NUDT16L1: variants seen among roughly 807,000 people sequenced by gnomAD.
NUDT16L1 encodes the protein tudor-interacting repair regulator protein.
In NUDT16L1, 19 loss-of-function variants were observed where a neutral mutation model predicts 17.3. That is an observed-to-expected ratio of 1.10 (90% CI 0.77 to 1.61). The LOEUF is 1.61. Ranked by LOEUF, NUDT16L1 falls within the 40% of genes most tolerant of loss-of-function variation. NUDT16L1 has a pLI of 0.00. For missense variants in NUDT16L1, 341 were observed against 292.0 expected, an observed-to-expected ratio of 1.17 and a Z score of -1.22; for synonymous variants, 255 against 138.6, an observed-to-expected ratio of 1.84 and a Z score of -5.90.
exon 1 of NUDT16L1, chr16:4,693,719 G>C (rs371342385): frequency 6.6e-6 from 10 of 1,517,510 alleles, no homozygotes; most frequent in South Asian, 1.2e-5. Context: ...GACGGGGTCA[G>C]TGCCAAGATG....
At chr16:4,694,775 AGGAGGGGGCTGCACTGCTCCGAG>A in intron 2 of NUDT16L1, 160 bp from the exon 3 acceptor site, 4 of 1,423,962 alleles carry the variant, frequency 2.8e-6, no homozygotes, top group Non-Finnish European at 3.7e-6. Flanking sequence ...TTGCTTGGGG[AGGAGGGGGCTGCACTGCTCCGAG>A]GGAGCTGGCT....
exon 2 of NUDT16L1, chr16:4,694,080 C>CTGGGCT (rs1567264654): frequency 6.3e-7 from 1 of 1,591,256 alleles, no homozygotes. Flanking sequence ...GGGCCTGGGC[C>CTGGGCT]TGGGCTGCCT....
chr16:4,694,013 C>G (rs748610812), exon 2 of NUDT16L1: 2 of 1,584,448 alleles, frequency 1.3e-6, no homozygotes, highest in Admixed American at 3.4e-5. Flanking sequence ...TGGGCTTCCC[C>G]GGGGGCTTCG....
chr16:4,695,569 TGTCTC>T, exon 3 of NUDT16L1: 1 of 450,848 alleles, frequency 2.2e-6, no homozygotes, highest in Non-Finnish European at 3.9e-6. Context: ...GAGGATGCCT[TGTCTC>T]GGTCAGCTCA....
chr16:4,693,776 C>T (rs868603698), exon 1 of NUDT16L1: 9 of 1,565,074 alleles, frequency 5.8e-6, no homozygotes, highest in Non-Finnish European at 6.9e-6. Flanking sequence ...CGGGTGGAGG[C>T]GATGCGCCTA....
exon 3 of NUDT16L1, chr16:4,695,192 C>A: frequency 6.2e-7 from 1 of 1,609,518 alleles, no homozygotes; most frequent in Non-Finnish European, 8.5e-7. Flanking sequence ...GCTGCCTGAG[C>A]TGGTGGCACC....
At chr16:4,693,829 G>C in exon 1 of NUDT16L1, 2 of 1,566,998 alleles carry the variant, frequency 1.3e-6, no homozygotes, top group Non-Finnish European at 1.7e-6. Context: ...GCTGTACGCC[G>C]CCAACCCTGG....
chr16:4,695,169 C>T (rs753680176), exon 3 of NUDT16L1: 3 of 1,612,582 alleles, frequency 1.9e-6, no homozygotes, highest in East Asian at 2.2e-5. Context: ...TTGCTCCCGG[C>T]CTCCTCTTGA....
At chr16:4,693,755 A>G in exon 1 of NUDT16L1, 1 of 1,556,166 alleles carries the variant, frequency 6.4e-7, no homozygotes, top group Non-Finnish European at 8.7e-7. Context: ...CCGGAGCTGA[A>G]GCAGATCAGC....
rs577339696 is a variant in NUDT16L1, at chr16:4,694,560, G to A, written c.414+322G>A. The A allele has an allele frequency of 1.1e-4, 153 of 1,453,918 alleles. 2 individuals carry two copies. In the South Asian group the frequency reaches 1.6e-3, roughly 15 times the overall value. The allele number at this position is 1,453,918 out of a possible 1,614,324, so 90.1% of individuals were successfully genotyped here. ...GAGCGGGGATTGCTTGGGGAGTTGG[G>A]AAACTTGAGCACAGCGGGGGTTGTA... On this transcript the variant is annotated intron_variant, in intron 2 of 2. Transcript: ENST00000304301.
chr16:4,694,004 G>T, exon 2 of NUDT16L1: 2 of 1,583,286 alleles, frequency 1.3e-6, no homozygotes, highest in Non-Finnish European at 1.7e-6. Context: ...ACGGGCTGCT[G>T]GGCTTCCCCG....
chr16:4,695,463 G>A (rs988047889), exon 3 of NUDT16L1: 32 of 583,998 alleles, frequency 5.5e-5, no homozygotes, highest in South Asian at 4.2e-4. Flanking sequence ...CCTCTTGTAC[G>A]TCTCATCACA....
At chr16:4,695,324 C>G (rs908673644) in exon 3 of NUDT16L1, 4 of 841,490 alleles carry the variant, frequency 4.8e-6, no homozygotes, top group Admixed American at 2.7e-5. Flanking sequence ...CTGTCCCAAG[C>G]AGTCACTAGG....
chr16:4,694,185 C>T lies in NUDT16L1; in HGVS notation c.361C>T (p.Gln121Ter). Residue 121 changes from glutamine (Q) to a stop codon, truncating the protein, a stop_gained, in exon 2 of 3, where the codon CAG becomes TAG. Transcript: ENST00000304301. LOFTEE classifies it high-confidence loss of function. The stretch of plus-strand genomic sequence containing the variant: ...GTACGCGCGGCAGCTGACGCTGGAG[C>T]AGCTGCACGCCGTGGAGATCAGCGC... 3.2e-6 allele frequency: 5 copies of T among 1,573,328 alleles called. No homozygotes were observed. Among genetic ancestry groups the T allele is most frequent in the Non-Finnish European group, 4.3e-6 (5 of 1,168,802 alleles).
chr16:4,695,177 T>G, exon 3 of NUDT16L1: 1 of 1,611,836 alleles, frequency 6.2e-7, no homozygotes, highest in Non-Finnish European at 8.5e-7. Context: ...GGCCTCCTCT[T>G]GAGGGCTGCC....
chr16:4,695,060 C>A, exon 3 of NUDT16L1: 1 of 1,613,586 alleles, frequency 6.2e-7, no homozygotes. Context: ...TAAGTGCCAG[C>A]TCCTCTTTGC....
exon 3 of NUDT16L1, chr16:4,695,148 C>A: frequency 1.9e-6 from 3 of 1,613,128 alleles, no homozygotes; most frequent in Non-Finnish European, 2.5e-6. Context: ...CAGAAGAAGG[C>A]CCTGGAGAAG....
exon 3 of NUDT16L1, chr16:4,695,175 C>T: frequency 1.9e-6 from 3 of 1,612,162 alleles, no homozygotes; most frequent in Non-Finnish European, 8.5e-7. Flanking sequence ...CCGGCCTCCT[C>T]TTGAGGGCTG....
intron 2 of NUDT16L1, 43 bp downstream of exon 2, chr16:4,694,281 G>GC: frequency 6.8e-7 from 1 of 1,473,808 alleles, no homozygotes; most frequent in Non-Finnish European, 8.9e-7. Flanking sequence ...CCGGGGTTTG[G>GC]CTCTGGCCCC....
Sources: gnomAD v4.1 joint callset for allele counts on GRCh38, gnomAD v4.1.1 for gene constraint, MANE v1.5 for transcripts, NCBI Gene and HGNC (gene_info 2026-07-23, HGNC 2026-07-21) for gene names.